The following GPR158 variants were observed in gnomAD, a reference collection of about 807,000 sequenced individuals.
GPR158 encodes G protein-coupled receptor 158.
GPR158 carries 30 observed loss-of-function variants against 78.2 expected under a neutral mutation model. The ratio of observed to expected loss-of-function variants is 0.38; its 90% CI spans 0.29 to 0.52. The LOEUF is 0.52. Ranked by LOEUF, GPR158 falls within the 20% of genes least tolerant of loss-of-function variation. The pLI is 0.83. For synonymous variants in GPR158, 581 were observed against 591.1 expected (o/e 0.98, Z 0.25); for missense variants, 1,463 against 1,523.5 (o/e 0.96, Z 0.66).
intron 2 of GPR158, among the ~76,000 whole-genome samples, chr10:25,282,746 T>G (rs1033177383): frequency 2.0e-5 from 3 of 152,182 alleles, no homozygotes; most frequent in African/African-American, 7.2e-5. Flanking sequence ...TTCTTGTGCT[T>G]CTTTGCCATT....
intron 5 of GPR158, among the ~76,000 whole-genome samples, chr10:25,499,320 A>G (rs1835923608): frequency 6.6e-6 from 1 of 152,296 alleles, no homozygotes; most frequent in South Asian, 2.1e-4. Context: ...CTCCATACCC[A>G]GGGCTCCAAA....
Position 25,598,804 on chromosome 10 carries a change from C to T in GPR158, c.3178C>T (p.Gln1060Ter). 2 of 1,614,060 alleles carry T rather than the reference C, an allele frequency of 1.2e-6. No individual in the cohort carries two copies. Among genetic ancestry groups the T allele is most frequent in the Non-Finnish European group, 1.7e-6 (2 of 1,180,008 alleles). ...GCCTAAGGCAGCTGAGGTTTGTCAG[C>T]AATCCAATCAGAAGCGCATAGATAA... ...HKPKAAEVCQ[Q>*]SNQKRIDKAE... The change falls in exon 11 of 11, where the codon CAA (glutamine) becomes TAA (stop). Residue 1060 changes from glutamine to a stop codon, truncating the protein, a stop_gained. Coordinates refer to ENST00000376351, the MANE Select transcript of GPR158 (RefSeq NM_020752.3). LOFTEE classifies it low-confidence loss of function (END_TRUNC).
intron 2 of GPR158, among the ~76,000 whole-genome samples, chr10:25,241,311 T>TTTCTTTTCTTTTCTTTTCTCTTCTC (rs1554787218): frequency 9.6e-6 from 1 of 104,596 alleles, no homozygotes; most frequent in South Asian, 3.1e-4. Flanking sequence ...TTTCTTTTCT[T>TTTCTTTTCTTTTCTTTTCTCTTCTC]TTCTCTTCTC....
At chr10:25,302,238 A>ATTTTT (rs58156960) in intron 2 of GPR158, among the ~76,000 whole-genome samples, 1 of 133,940 alleles carries the variant, frequency 7.5e-6, no homozygotes. Flanking sequence ...TGCCTGGCTA[A>ATTTTT]TTTTTTTTTT....
chr10:25,309,074 A>G (rs1052530990), intron 2 of GPR158, among the ~76,000 whole-genome samples: 6 of 152,180 alleles, frequency 3.9e-5, no homozygotes, highest in Non-Finnish European at 7.4e-5. Context: ...TATACTCAGA[A>G]ATGAAGTATC....
At chr10:25,397,838 A>G (rs374068425) in intron 3 of GPR158, among the ~76,000 whole-genome samples, 2 of 152,312 alleles carry the variant, frequency 1.3e-5, no homozygotes, top group South Asian at 2.1e-4. Context: ...ATTTAGCAAC[A>G]TAAGAGAGTG....
At chr10:25,444,462 G>T (rs1470276192) in intron 4 of GPR158, among the ~76,000 whole-genome samples, 5 of 151,570 alleles carry the variant, frequency 3.3e-5, no homozygotes, top group Admixed American at 1.3e-4. Flanking sequence ...GTGTATGTGG[G>T]TGTGTGTGGA....
At chr10:25,265,345 A>C (rs981371322) in intron 2 of GPR158, among the ~76,000 whole-genome samples, 4 of 152,138 alleles carry the variant, frequency 2.6e-5, no homozygotes, top group African/African-American at 9.7e-5. Flanking sequence ...CAAGAAAGTC[A>C]TATGTTCCAG....
chr10:25,470,801 A>G (rs1835489251), intron 5 of GPR158, among the ~76,000 whole-genome samples: 1 of 152,140 alleles, frequency 6.6e-6, no homozygotes, highest in African/African-American at 2.4e-5. Flanking sequence ...ATCTGAAATG[A>G]CCTCAGTAAC....
chr10:25,501,886 T>A (rs1207591990), intron 5 of GPR158, among the ~76,000 whole-genome samples: 37 of 152,110 alleles, frequency 2.4e-4, no homozygotes, highest in Admixed American at 2.4e-3. Context: ...TCAACACCAG[T>A]CCCTCGTCTC....
intron 4 of GPR158, among the ~76,000 whole-genome samples, chr10:25,431,101 G>A (rs1176291719): frequency 9.2e-5 from 12 of 130,068 alleles, no homozygotes; most frequent in East Asian, 2.0e-4. Context: ...GAAAATTTTC[G>A]CAACCTACTC....
At chr10:25,351,841 A>G (rs1855478004) in intron 2 of GPR158, among the ~76,000 whole-genome samples, 1 of 151,236 alleles carries the variant, frequency 6.6e-6, no homozygotes, top group South Asian at 2.1e-4. Flanking sequence ...AGATCATCCC[A>G]TCACCTAGGT....
intron 2 of GPR158, among the ~76,000 whole-genome samples, chr10:25,351,569 G>T (rs1315940190): frequency 1.3e-5 from 2 of 151,886 alleles, no homozygotes; most frequent in African/African-American, 4.8e-5. Context: ...AAGGGCAACA[G>T]ATAAAGGAGT....
intron 1 of GPR158, among the ~76,000 whole-genome samples, chr10:25,211,987 C>G (rs1335142109): frequency 6.6e-6 from 1 of 152,124 alleles, no homozygotes; most frequent in Non-Finnish European, 1.5e-5. Flanking sequence ...TTCTTTTTCA[C>G]AACTTTTATT....
At chr10:25,332,233 A>G (rs1855135929) in intron 2 of GPR158, among the ~76,000 whole-genome samples, 1 of 152,194 alleles carries the variant, frequency 6.6e-6, no homozygotes, top group Non-Finnish European at 1.5e-5. Flanking sequence ...GGCCCCTGCC[A>G]TTGTTAGTTG....
intron 5 of GPR158, among the ~76,000 whole-genome samples, chr10:25,516,791 A>C (rs1243566658): frequency 3.1e-4 from 33 of 108,050 alleles, no homozygotes; most frequent in East Asian, 2.3e-3. Flanking sequence ...GTATAGTTTG[A>C]AGTCAGGTAG....
At chr10:25,213,417 T>G (rs1267868512) in intron 1 of GPR158, among the ~76,000 whole-genome samples, 1 of 152,194 alleles carries the variant, frequency 6.6e-6, no homozygotes, top group Admixed American at 6.5e-5. Flanking sequence ...TATTTTGAAT[T>G]TTTTGATATA....
At chr10:25,388,789 G>A (rs552882589) in intron 2 of GPR158, among the ~76,000 whole-genome samples, 2 of 152,338 alleles carry the variant, frequency 1.3e-5, no homozygotes, top group East Asian at 3.9e-4. Context: ...CACTCTTGGG[G>A]GGCCTGGGAA....
intron 3 of GPR158, among the ~76,000 whole-genome samples, chr10:25,411,885 G>A (rs1834590209): frequency 7.7e-6 from 1 of 130,680 alleles, no homozygotes; most frequent in Non-Finnish European, 1.5e-5. Context: ...AGTGAGCAGA[G>A]ATCGCGCCAC....
Sources: allele counts gnomAD v4.1 joint callset (sites outside exome capture counted in the v4.1 genomes callset), GRCh38; gene constraint gnomAD v4.1.1; transcripts MANE v1.5; gene names NCBI Gene and HGNC (gene_info 2026-07-23, HGNC 2026-07-21).